FRMPD1: variants seen among roughly 807,000 people sequenced by gnomAD.
FRMPD1 encodes FERM and PDZ domain-containing protein 1.
FRMPD1 carries 76 observed loss-of-function variants against 117.8 expected under a neutral mutation model. The ratio of observed to expected loss-of-function variants is 0.65; its 90% CI spans 0.54 to 0.78. FRMPD1 has a LOEUF of 0.78. Ranked by LOEUF, FRMPD1 falls within the 30% of genes least tolerant of loss-of-function variation. FRMPD1 has a pLI of 0.00. For synonymous variants in FRMPD1, 783 were observed against 770.4 expected (o/e 1.02, Z -0.27); for missense variants, 1,786 against 1,964.5 (o/e 0.91, Z 1.72).
intron 1 of FRMPD1, among the ~76,000 whole-genome samples, chr9:37,652,235 A>G (rs1270339346): frequency 6.6e-6 from 1 of 152,076 alleles, no homozygotes; most frequent in Non-Finnish European, 1.5e-5. Context: ...GTCTAAGATG[A>G]TGGTTGAGAT....
intron 1 of FRMPD1, among the ~76,000 whole-genome samples, chr9:37,673,499 T>C (rs1371527394): frequency 6.6e-6 from 1 of 152,212 alleles, no homozygotes; most frequent in African/African-American, 2.4e-5. Flanking sequence ...TCTACCATTC[T>C]GGGGTCTGGA....
the FRMPD1 span, among the ~76,000 whole-genome samples, chr9:37,635,731 T>G: frequency 1.3e-5 from 2 of 152,140 alleles, no homozygotes; most frequent in African/African-American, 4.8e-5. Flanking sequence ...GGCAGGGGAC[T>G]AGGATCCTGG....
In FRMPD1 at chr9:37,737,109, T is replaced by C. The variant is rs1824171146; in HGVS notation, c.1415T>C (p.Leu472Pro). The change falls in exon 14 of 16, where the codon CTG (leucine) becomes CCG (proline). Residue 472 changes from leucine to proline, a missense_variant. Transcript: ENST00000377765. ...YLQDVKVLTL[L>P]LESNSAKDLA... ...TTGCTTTCAAAGGTTCTGACTTTGC[T>C]GCTGGAATCCAACAGTGCAAAAGAC... The C allele has an allele frequency of 3.1e-6, 5 of 1,612,878 alleles. No individual in the cohort carries two copies. Among genetic ancestry groups the C allele is most frequent in the Non-Finnish European group, 4.2e-6 (5 of 1,179,022 alleles).
chr9:37,640,009 A>G, the FRMPD1 span, among the ~76,000 whole-genome samples: 1 of 152,238 alleles, frequency 6.6e-6, no homozygotes, highest in Admixed American at 6.5e-5. Context: ...ATGCCTCTAT[A>G]CAGCCAGCAT....
the FRMPD1 span, among the ~76,000 whole-genome samples, chr9:37,640,267 A>G: frequency 2.2e-4 from 34 of 152,364 alleles, no homozygotes; most frequent in African/African-American, 8.2e-4. Context: ...CATTAATGGC[A>G]TACCCCTATT....
Position 37,740,840 on chromosome 9 carries a change from A to G in FRMPD1, c.2312A>G (p.Tyr771Cys), listed in dbSNP as rs1563962718. ...GAGGATGGCAGCTCAGATGAGGAAT[A>G]CTATGACGCGGCTGATAAGCTCACT... ...AFEDGSSDEE[Y>C]YDAADKLTPP... Residue 771 changes from tyrosine (Y) to cysteine (C), a missense_variant, in exon 15 of 16, where the codon TAC (tyrosine) becomes TGC (cysteine). Physicochemically the swap from Tyr to Cys is radical, Grantham distance 194. Transcript: ENST00000377765. The surrounding 1 kb of genome is among the most constrained non-coding windows in gnomAD (Gnocchi z 4.2). 1 of 1,614,126 alleles carries G rather than the reference A, an allele frequency of 6.2e-7. No homozygotes were observed. The highest frequency in any genetic ancestry group is 8.5e-7 in the Non-Finnish European group (1 of 1,180,000).
upstream of FRMPD1, among the ~76,000 whole-genome samples, chr9:37,648,343 G>A (rs1820559554): frequency 6.6e-6 from 1 of 152,202 alleles, no homozygotes; most frequent in African/African-American, 2.4e-5. Flanking sequence ...GTGTGCAGGT[G>A]TGGGGTGAGG....
rs540356366 is a variant in FRMPD1 at position 37,691,526 on chromosome 9, A to G, written c.-4-1112A>G. ...TATGTAAGATGTTAATATTAGGGAA[A>G]GCTGAATGAAGGGATATGGGAACCC... On this transcript the variant is annotated intron_variant, in intron 1 of 15. Coordinates refer to ENST00000377765, the MANE Select transcript of FRMPD1 (RefSeq NM_014907.3). 3.9e-5 allele frequency among the ~76,000 whole-genome samples: 6 copies of G among 152,386 alleles called. No individual in the cohort carries two copies. In the South Asian group the frequency reaches 1.2e-3, roughly 32 times the overall value.
At chr9:37,689,102 A>G (rs950137044) in intron 1 of FRMPD1, among the ~76,000 whole-genome samples, 1 of 151,938 alleles carries the variant, frequency 6.6e-6, no homozygotes, top group Non-Finnish European at 1.5e-5. Context: ...TTTCCTGCAT[A>G]TTTCTTAGAA....
chr9:37,654,096 A>G (rs1347032343), intron 1 of FRMPD1, among the ~76,000 whole-genome samples: 1 of 152,246 alleles, frequency 6.6e-6, no homozygotes, highest in African/African-American at 2.4e-5. Context: ...TCTCTGCCAG[A>G]AAATTGTTCT....
the FRMPD1 span, chr9:37,636,630 C>T: frequency 7.9e-7 from 1 of 1,271,510 alleles, no homozygotes; most frequent in South Asian, 1.6e-5. Flanking sequence ...ACCTCCTGTC[C>T]CCTCCAGGGA....
chr9:37,740,468 G>A lies in FRMPD1; in HGVS notation c.1940G>A (p.Arg647Lys). The stretch of plus-strand genomic sequence containing the variant: ...ATTGACTCTGACAGCCAGGAGGAGA[G>A]AAGCGGGATTGAAACCAGTGGCTTC... The part of the protein sequence containing the change: ...ESIDSDSQEE[R>K]SGIETSGFLC... Residue 647 changes from arginine (R) to lysine (K), a missense_variant, in exon 15 of 16, where the codon AGA (arginine) becomes AAA (lysine). Physicochemically the swap from Arg to Lys is conservative, Grantham distance 26. Coordinates refer to ENST00000377765, the MANE Select transcript of FRMPD1 (RefSeq NM_014907.3). This position sits in a 1 kb window ranked among gnomAD's most constrained non-coding sequence, Gnocchi z 4.2. The A allele has an allele frequency of 6.8e-6, 11 of 1,614,216 alleles. No individual in the cohort carries two copies. Among genetic ancestry groups the A allele is most frequent in the Non-Finnish European group, 9.3e-6 (11 of 1,180,040 alleles).
chr9:37,655,269 C>G (rs1451998475), intron 1 of FRMPD1, among the ~76,000 whole-genome samples: 1 of 152,096 alleles, frequency 6.6e-6, no homozygotes, highest in Non-Finnish European at 1.5e-5. Flanking sequence ...ATTTTTACTT[C>G]CAAAATCTCT....
At chr9:37,634,255 C>T in the FRMPD1 span, among the ~76,000 whole-genome samples, 1 of 152,162 alleles carries the variant, frequency 6.6e-6, no homozygotes, top group Non-Finnish European at 1.5e-5. Context: ...AGTTGATAGC[C>T]AGTGTTTACT....
rs551173547 is a variant in FRMPD1, at chr9:37,725,615, T to C, written c.612+1295T>C. On this transcript the variant is annotated intron_variant, in intron 7 of 15. Transcript: ENST00000377765. ...AAGCTGGAGAAGGGCTTTCTGAACC[T>C]GGGGAACTCCAAGCCCAGAGGAGGA... Among the ~76,000 whole-genome samples the C allele has an allele frequency of 1.2e-4, 18 of 152,336 alleles. No homozygotes were observed. In the South Asian group the frequency reaches 2.1e-3, roughly 18 times the overall value.
At chr9:37,624,396 C>T in the FRMPD1 span, among the ~76,000 whole-genome samples, 2 of 152,130 alleles carry the variant, frequency 1.3e-5, no homozygotes, top group South Asian at 2.1e-4. Context: ...GAGAGGGGAA[C>T]GGGAAGCAAA....
chr9:37,733,020 C>A (rs1823959487), intron 10 of FRMPD1, among the ~76,000 whole-genome samples: 1 of 152,174 alleles, frequency 6.6e-6, no homozygotes, highest in South Asian at 2.1e-4. Context: ...TCTCTCGCAG[C>A]AGGGCCTGAG....
rs1820925073 is a variant in FRMPD1, at chr9:37,659,186, G to A, written c.-5+8092G>A. Reference sequence around the variant, plus strand: ...CAGCCAAGACTTGGATATCTTTTTAGGGTGGCCGCCATTCAGCCATTGGCT... The same window carrying A: ...CAGCCAAGACTTGGATATCTTTTTAAGGTGGCCGCCATTCAGCCATTGGCT... On this transcript the variant is annotated intron_variant, in intron 1 of 15. Transcript: ENST00000377765. Among the ~76,000 whole-genome samples the A allele has an allele frequency of 2.0e-5, 3 of 152,108 alleles. 1 individual carries two copies. In the South Asian group the frequency reaches 6.2e-4, roughly 32 times the overall value.
intron 1 of FRMPD1, among the ~76,000 whole-genome samples, chr9:37,672,736 A>C (rs529508345): frequency 6.6e-6 from 1 of 152,156 alleles, no homozygotes; most frequent in Admixed American, 6.5e-5. Context: ...ACAGTTCCAC[A>C]GGCTGGGGAG....
Sources: gnomAD v4.1 joint callset for allele counts (sites outside exome capture counted in the v4.1 genomes callset) on GRCh38, gnomAD v4.1.1 for gene constraint, Gnocchi (gnomAD v3.1) non-coding constraint, MANE v1.5 for transcripts, NCBI Gene and HGNC (gene_info 2026-07-23, HGNC 2026-07-21) for gene names.